SPATS2: variants seen among roughly 807,000 people sequenced by gnomAD.
The protein encoded by SPATS2 is spermatogenesis associated serine rich 2.
A neutral mutation model predicts 63.7 loss-of-function variants in SPATS2; 38 were observed. The ratio of observed to expected loss-of-function variants is 0.60; its 90% confidence interval spans 0.46 to 0.78. SPATS2 has a LOEUF of 0.78. Ranked by LOEUF, SPATS2 falls within the 30% of genes least tolerant of loss-of-function variation. The probability of loss-of-function intolerance (pLI) is 0.00; values close to 1 mark genes in which losing one functional copy is unlikely to be tolerated. For synonymous variants in SPATS2, 207 were observed against 232.9 expected (o/e 0.89, Z 1.01); for missense variants, 588 against 666.2 (o/e 0.88, Z 1.29).
At chr12:49,383,096 C>A (rs1276752598) in intron 2 of SPATS2, among the ~76,000 whole-genome samples, 1 of 152,094 alleles carries the variant, frequency 6.6e-6, no homozygotes, top group Non-Finnish European at 1.5e-5. Context: ...TGGCTCAATG[C>A]AGCCTCCGCC....
chr12:49,384,788 C>T (rs965589291), intron 2 of SPATS2, among the ~76,000 whole-genome samples: 4 of 151,940 alleles, frequency 2.6e-5, no homozygotes, highest in African/African-American at 9.7e-5. Flanking sequence ...ATCATCCATA[C>T]GTTTGCTCAT....
chr12:49,422,224 C>T (rs1944995855), intron 2 of SPATS2, among the ~76,000 whole-genome samples: 1 of 152,176 alleles, frequency 6.6e-6, no homozygotes, highest in African/African-American at 2.4e-5. Context: ...TGAATCACCA[C>T]CTCACCACTT....
chr12:49,436,619 C>T (rs527412565), intron 2 of SPATS2, among the ~76,000 whole-genome samples: 24 of 136,410 alleles, frequency 1.8e-4, no homozygotes, highest in African/African-American at 6.2e-4. Flanking sequence ...GACCCCCCCA[C>T]CTCCCTCCCG....
chr12:49,444,444 C>T (rs1167722251), intron 2 of SPATS2, among the ~76,000 whole-genome samples: 2 of 152,012 alleles, frequency 1.3e-5, no homozygotes, highest in African/African-American at 4.8e-5. Context: ...GTCTTGAACT[C>T]CTGGGCTAAA....
At chr12:49,477,102 TAA>T (rs550575980) in intron 3 of SPATS2, among the ~76,000 whole-genome samples, 19 of 136,598 alleles carry the variant, frequency 1.4e-4, no homozygotes, top group South Asian at 2.4e-4. Flanking sequence ...AAACTCCTCT[TAA>T]AAAAAAAAAA....
chr12:49,386,394 C>A (rs73295300), intron 2 of SPATS2, among the ~76,000 whole-genome samples: 28,354 of 151,804 alleles, frequency 0.19, 3,603 homozygotes, highest in African/African-American at 0.37. Context: ...AAACTCCTGA[C>A]CTCTCAGGTG....
At chr12:49,484,726 A>G (rs934162923) in intron 4 of SPATS2, 57 bp downstream of exon 4, 4 of 1,485,126 alleles carry the variant, frequency 2.7e-6, no homozygotes, top group Non-Finnish European at 3.7e-6. Flanking sequence ...TTTAGGTACT[A>G]ATACGACTAG....
At chr12:49,410,324 C>G (rs1655354844) in intron 2 of SPATS2, among the ~76,000 whole-genome samples, 1 of 152,136 alleles carries the variant, frequency 6.6e-6, no homozygotes, top group South Asian at 2.1e-4. Flanking sequence ...GATCCGCCCA[C>G]CTCGGCCTCC....
At chr12:49,487,113 T>C (rs1002199476) in intron 4 of SPATS2, among the ~76,000 whole-genome samples, 34 of 152,188 alleles carry the variant, frequency 2.2e-4, no homozygotes, top group African/African-American at 8.0e-4. Flanking sequence ...GATAAAACCA[T>C]TGAATAAAAT....
chr12:49,490,537 T>C, intron 5 of SPATS2, 145 bp from the exon 6 acceptor site: 1 of 693,800 alleles, frequency 1.4e-6, no homozygotes. Flanking sequence ...CTCATTACAT[T>C]ACTTTAGACC....
chr12:49,469,413 A>G (rs1197788235), intron 3 of SPATS2: 3 of 221,094 alleles, frequency 1.4e-5, no homozygotes, highest in East Asian at 2.9e-4. Context: ...AAAAAAAAAA[A>G]GCCAGGCATG....
chr12:49,420,644 A>G (rs1464925237), intron 2 of SPATS2, among the ~76,000 whole-genome samples: 5 of 152,200 alleles, frequency 3.3e-5, no homozygotes, highest in Admixed American at 6.5e-5. Flanking sequence ...TATTTAATAT[A>G]TTAATTAAAG....
intron 9 of SPATS2, among the ~76,000 whole-genome samples, chr12:49,511,579 T>G (rs1358124774): frequency 6.6e-6 from 1 of 152,190 alleles, no homozygotes; most frequent in Non-Finnish European, 1.5e-5. Context: ...AGAGTCTGAA[T>G]GAGCCTTTCA....
chr12:49,446,917 A>C (rs75957449), intron 2 of SPATS2, among the ~76,000 whole-genome samples: 1 of 149,248 alleles, frequency 6.7e-6, no homozygotes. Flanking sequence ...ATGTTCTTCT[A>C]TTTTCTTTTC....
At chr12:49,472,286 C>T (rs996182050) in intron 3 of SPATS2, among the ~76,000 whole-genome samples, 1 of 151,818 alleles carries the variant, frequency 6.6e-6, no homozygotes, top group Non-Finnish European at 1.5e-5. Context: ...TTCCACCCAC[C>T]TCCAATGGGT....
At position 49,517,102 on chromosome 12, in the gene SPATS2, T is replaced by C. The variant is rs113525390; in HGVS notation, c.899-1971T>C. On this transcript the variant is annotated intron_variant, in intron 10 of 13. Transcript: ENST00000552918. Reference sequence around the variant, plus strand: ...GAAAGCTTTTTATTCACCTCATTTTTGCCATTTTGAGAGCTATAATTTTGT... The same window carrying C: ...GAAAGCTTTTTATTCACCTCATTTTCGCCATTTTGAGAGCTATAATTTTGT... 3.3e-5 allele frequency among the ~76,000 whole-genome samples: 5 copies of C among 152,372 alleles called. 1 individual carries two copies. The highest frequency in any genetic ancestry group is 1.2e-4 in the African/African-American group (5 of 41,594).
intron 3 of SPATS2, among the ~76,000 whole-genome samples, chr12:49,473,629 C>G (rs905282879): frequency 1.3e-5 from 2 of 152,146 alleles, no homozygotes; most frequent in African/African-American, 4.8e-5. Context: ...TTTGTATTGT[C>G]CCAAAACTGG....
chr12:49,469,611 C>A, intron 3 of SPATS2: 1 of 418,750 alleles, frequency 2.4e-6, no homozygotes, highest in Non-Finnish European at 4.7e-6. Flanking sequence ...GAAATATGGG[C>A]CAGGCACAGT....
intron 2 of SPATS2, among the ~76,000 whole-genome samples, chr12:49,403,621 A>ACACG: frequency 6.6e-6 from 1 of 151,500 alleles, no homozygotes; most frequent in South Asian, 2.1e-4. Context: ...ACACACACAC[A>ACACG]CACACACACA....
Sources: allele counts gnomAD v4.1 joint callset (sites outside exome capture counted in the v4.1 genomes callset), GRCh38; gene constraint gnomAD v4.1.1; transcripts MANE v1.5; gene names NCBI Gene and HGNC (gene_info 2026-07-23, HGNC 2026-07-21).